Variants in FRMPD4 observed in about 807,000 individuals in gnomAD.
FRMPD4 encodes FERM and PDZ domain containing 4.
Under a neutral mutation model 94.1 loss-of-function variants are expected in FRMPD4, and 22 were observed. The ratio of observed to expected loss-of-function variants is 0.23; its 90% CI spans 0.17 to 0.33. FRMPD4 has a LOEUF of 0.33. FRMPD4 is among the 10% of genes least tolerant of loss of function. The pLI is 1.00. For missense variants in FRMPD4, 1,111 were observed against 1,339.9 expected (o/e 0.83, Z 2.67); for synonymous variants, 631 against 548.6 (o/e 1.15, Z -2.10).
At chrX:12,353,729 T>G in intron 1 of FRMPD4, among the ~76,000 whole-genome samples, 1 of 112,570 alleles carries the variant, frequency 8.9e-6, no homozygotes, top group East Asian at 2.8e-4. Context: ...TTGACTGATT[T>G]TATTTATTTG....
intron 3 of FRMPD4, among the ~76,000 whole-genome samples, chrX:12,119,887 A>C (rs926499061): frequency 1.8e-5 from 2 of 112,585 alleles, no homozygotes; most frequent in Non-Finnish European, 3.8e-5. Context: ...CAGGAGTATA[A>C]ACTAGAGAAC....
intron 1 of FRMPD4, among the ~76,000 whole-genome samples, chrX:12,373,743 A>G (rs961270194): frequency 8.9e-6 from 1 of 112,542 alleles, no homozygotes; most frequent in African/African-American, 3.2e-5. Flanking sequence ...AAATGATCCA[A>G]TTAAGTACGA....
chrX:12,130,117 AGAGAGAGAG>A (rs1484253624), intron 3 of FRMPD4, among the ~76,000 whole-genome samples: 1 of 109,145 alleles, frequency 9.2e-6, no homozygotes, highest in African/African-American at 3.3e-5. Context: ...AGAGAGAGAG[AGAGAGAGAG>A]AGAGAGAGAA....
At chrX:12,055,206 G>A (rs2054847434) in intron 3 of FRMPD4, among the ~76,000 whole-genome samples, 1 of 111,847 alleles carries the variant, frequency 8.9e-6, no homozygotes, top group Admixed American at 9.5e-5. Flanking sequence ...CCTGCTTTGG[G>A]TCGGTTTCTG....
intron 1 of FRMPD4, among the ~76,000 whole-genome samples, chrX:12,446,844 T>C (rs1408376557): frequency 2.7e-5 from 3 of 111,658 alleles, no homozygotes; most frequent in African/African-American, 9.8e-5. Context: ...TCCACCCCTT[T>C]TGGGGCATTT....
chrX:12,486,537 G>C (rs2057741187), intron 1 of FRMPD4, among the ~76,000 whole-genome samples: 1 of 112,484 alleles, frequency 8.9e-6, no homozygotes, highest in African/African-American at 3.2e-5. Context: ...AAGATTTTGA[G>C]AACTTGTCTA....
chrX:11,913,059 C>A (rs1420281508), intron 3 of FRMPD4, among the ~76,000 whole-genome samples: 1 of 112,150 alleles, frequency 8.9e-6, no homozygotes, highest in Admixed American at 9.5e-5. Context: ...AATTCATAGC[C>A]TTATCTGCCT....
intron 7 of FRMPD4, among the ~76,000 whole-genome samples, chrX:12,687,376 G>A (rs1052851689): frequency 9.0e-6 from 1 of 111,664 alleles, no homozygotes; most frequent in Non-Finnish European, 1.9e-5. Flanking sequence ...TCAATTTGTG[G>A]TGAGATGTTA....
At chrX:12,716,001 T>TGGCCCCCCCCCCCCCCC in intron 14 of FRMPD4, 68 bp from the exon 15 acceptor site, 2 of 231,653 alleles carry the variant, frequency 8.6e-6, no homozygotes, top group Admixed American at 5.0e-5. Flanking sequence ...GAGACGAGCC[T>TGGCCCCCCCCCCCCCCC]CCCACCCCCG....
intron 1 of FRMPD4, among the ~76,000 whole-genome samples, chrX:12,315,119 G>C (rs1477489404): frequency 8.9e-6 from 1 of 112,027 alleles, no homozygotes; most frequent in Non-Finnish European, 1.9e-5. Context: ...AAATTCGGTA[G>C]TTTCTCTGAT....
intron 1 of FRMPD4, among the ~76,000 whole-genome samples, chrX:12,149,453 A>G (rs1467909882): frequency 9.0e-6 from 1 of 111,694 alleles, no homozygotes; most frequent in East Asian, 2.8e-4. Flanking sequence ...GAGGTTCAAG[A>G]CTTCAGTGCA....
rs2042244008 is a variant in FRMPD4, at chrX:12,721,736, G to A, written c.5167G>A (p.Glu1723Lys). Residue 1723 changes from glutamate (E) to lysine (K), a missense_variant, in exon 17 of 17, where the codon GAA becomes AAA. By Grantham distance (56) the Glu-to-Lys change is moderately conservative. This residue lies in a region of FRMPD4 where 551 missense variants were observed against 591.6 expected (regional missense o/e 0.93). Coordinates refer to ENST00000675598, the MANE Select transcript of FRMPD4 (RefSeq NM_001368397.1). ...INYICLLKAA[E>K]AATGKNPGDP... is the part of the protein sequence containing the mutation. ...TTACATTTGTCTACTGAAAGCTGCC[G>A]AAGCAGCCACTGGAAAGAACCCTGG... is the stretch of plus-strand genomic sequence containing the variant. 2 of 755,218 alleles carry A rather than the reference G, an allele frequency of 2.6e-6. No individual in the cohort carries two copies. The highest frequency in any genetic ancestry group is 6.7e-5 in the South Asian group (1 of 14,853). The allele number at this position is 755,218 out of a possible 1,213,427, so 62.2% of individuals were successfully genotyped here.
intron 1 of FRMPD4, among the ~76,000 whole-genome samples, chrX:12,476,928 C>T (rs1468476251): frequency 9.0e-6 from 1 of 111,730 alleles, no homozygotes; most frequent in African/African-American, 3.3e-5. Flanking sequence ...GGATCTAGAA[C>T]TAGAAATACC....
chrX:12,683,732 G>A, intron 6 of FRMPD4, 145 bp downstream of exon 6: 6 of 418,953 alleles, frequency 1.4e-5, no homozygotes, highest in Admixed American at 8.7e-5. Context: ...TCTCAAGGTT[G>A]TAAAGGGCTT....
intron 1 of FRMPD4, among the ~76,000 whole-genome samples, chrX:12,425,620 C>G (rs1417867934): frequency 9.0e-6 from 1 of 111,564 alleles, no homozygotes; most frequent in Non-Finnish European, 1.9e-5. Context: ...TTTTGGTTGT[C>G]ACAGCTGAGG....
chrX:12,576,471 A>G (rs749814762), intron 2 of FRMPD4, among the ~76,000 whole-genome samples: 1 of 112,787 alleles, frequency 8.9e-6, no homozygotes, highest in Non-Finnish European at 1.9e-5. Context: ...TTATATTTAT[A>G]CCATACCACA....
chrX:12,032,097 G>C (rs969078175), intron 3 of FRMPD4, among the ~76,000 whole-genome samples: 1 of 112,052 alleles, frequency 8.9e-6, no homozygotes, highest in East Asian at 2.8e-4. Context: ...AAATAAACAT[G>C]CATGCTTGGA....
At chrX:12,513,924 G>A (rs1302936933) in intron 2 of FRMPD4, among the ~76,000 whole-genome samples, 1 of 111,469 alleles carries the variant, frequency 9.0e-6, no homozygotes, top group Admixed American at 9.5e-5. Flanking sequence ...CCTTGAAGAG[G>A]TCCTTCACTT....
chrX:12,418,350 CTTT>C (rs540740432), intron 1 of FRMPD4, among the ~76,000 whole-genome samples: 1 of 81,077 alleles, frequency 1.2e-5, no homozygotes, highest in Non-Finnish European at 2.3e-5. Flanking sequence ...GTGTTTCTTT[CTTT>C]TTTTTTTTTT....
Sources: allele counts gnomAD v4.1 joint callset (sites outside exome capture counted in the v4.1 genomes callset), GRCh38; gene constraint gnomAD v4.1.1; regional missense constraint gnomAD v4.1.1; transcripts MANE v1.5; gene names NCBI Gene and HGNC (gene_info 2026-07-23, HGNC 2026-07-21).